SQLE: variants seen among roughly 807,000 people sequenced by gnomAD.
SQLE encodes the protein squalene epoxidase.
SQLE carries 29 observed loss-of-function variants against 60.7 expected under a neutral mutation model. The ratio of observed to expected loss-of-function variants is 0.48; its 90% confidence interval spans 0.36 to 0.65. SQLE has a LOEUF of 0.65. Ranked by LOEUF, SQLE falls within the 30% of genes least tolerant of loss-of-function variation. The pLI, the probability that SQLE is intolerant of heterozygous loss-of-function variation, is 0.00. For synonymous variants in SQLE, 237 were observed against 246.8 expected (o/e 0.96, Z 0.37); for missense variants, 605 against 684.1 (o/e 0.88, Z 1.29).
At chr8:124,999,817 G>A in intron 1 of SQLE, 123 bp downstream of exon 1, 3 of 1,216,566 alleles carry the variant, frequency 2.5e-6, no homozygotes, top group Non-Finnish European at 3.4e-6. Flanking sequence ...ACATTCTCAT[G>A]TATTTTTTAT....
chr8:125,021,936 G>A lies in SQLE; in HGVS notation c.1716G>A (p.Met572Ile). Reference sequence around the variant, plus strand: ...TAATTTACTCAGAAATGAAGTATATGGTTCATTAAGCTTAAAGGGGAACCA... The same window carrying A: ...TAATTTACTCAGAAATGAAGTATATAGTTCATTAAGCTTAAAGGGGAACCA... ...FPLIYSEMKY[M>I]VH is the part of the protein sequence containing the mutation. Residue 572 changes from methionine (M) to isoleucine (I), a missense_variant, in exon 11 of 11, where the codon ATG (methionine) becomes ATA (isoleucine). Coordinates refer to ENST00000265896, the MANE Select transcript of SQLE (RefSeq NM_003129.4). The A allele has an allele frequency of 6.3e-7, 1 of 1,592,682 alleles. No homozygotes were observed. Among genetic ancestry groups the A allele is most frequent in the South Asian group, 1.1e-5 (1 of 87,502 alleles).
At position 124,998,973 on chromosome 8, in the gene SQLE, C is replaced by G. The variant is rs1361505289; in HGVS notation, c.-431C>G. The G allele has an allele frequency of 6.5e-6, 2 of 309,286 alleles. No individual in the cohort carries two copies. Among genetic ancestry groups the G allele is most frequent in the East Asian group, 1.1e-4 (2 of 18,710 alleles). 19.2% of individuals were successfully genotyped at this position (309,286 alleles called of 1,614,324 possible). On this transcript the variant is annotated 5_prime_UTR_variant, in exon 1 of 11. Transcript: ENST00000265896. ...TGCCGAGGTGTTTCTGTGACCCTCC[C>G]TCCACTCCCATTCCCTTCTGAAAGG...
intron 1 of SQLE, 103 bp from the exon 2 acceptor site, chr8:125,003,073 A>T: frequency 9.3e-7 from 1 of 1,071,554 alleles, no homozygotes. Context: ...TTTAGTATCT[A>T]GCTTTAGCCT....
intron 9 of SQLE, 84 bp downstream of exon 9, chr8:125,018,811 C>A: frequency 1.1e-6 from 1 of 942,310 alleles, no homozygotes; most frequent in South Asian, 1.6e-5. Flanking sequence ...GTGATTTGTC[C>A]AGAAATAAAA....
chr8:125,012,002 G>A (rs192306288), intron 7 of SQLE, among the ~76,000 whole-genome samples: 116 of 151,850 alleles, frequency 7.6e-4, no homozygotes, highest in African/African-American at 2.7e-3. Context: ...TAGGGAGGAC[G>A]TTGTTCAGGA....
rs750868050 is a variant in SQLE, at chr8:124,999,658, T to C, written c.255T>C (p.Pro85=). 44 of 1,607,338 alleles carry C rather than the reference T, an allele frequency of 2.7e-5. No homozygotes were observed. In the East Asian group the frequency reaches 9.6e-4, roughly 35 times the overall value. Residue 85 remains proline (P), a synonymous_variant, in exon 1 of 11, where the codon CCT becomes CCC. Coordinates refer to ENST00000265896, the MANE Select transcript of SQLE (RefSeq NM_003129.4). ...FIGFFWAKSP[P]ESENKEQLEA... ...GCTTCTTCTGGGCCAAATCCCCCCC[T>C]GAATCAGAAAATAAGGAGCAGCTCG...
In SQLE at chr8:124,999,460, C is replaced by T; in HGVS notation, c.57C>T (p.Asp19=). The T allele has an allele frequency of 6.4e-7, 1 of 1,558,784 alleles. No homozygotes were observed. The highest frequency in any genetic ancestry group is 8.7e-7 in the Non-Finnish European group (1 of 1,152,000). The change falls in exon 1 of 11, where the codon GAC becomes GAT. Residue 19 remains aspartate, a synonymous_variant. Coordinates refer to ENST00000265896, the MANE Select transcript of SQLE (RefSeq NM_003129.4). ...CCTATTTTTATAAGAAGTTCGGGGA[C>T]TTCATCACTTTGGCCAACAGGGAGG... ...TFTYFYKKFG[D]FITLANREVL... is the part of the protein sequence containing the mutation.
rs1445171257 is a variant in SQLE at position 124,999,060 on chromosome 8, A to G, written c.-344A>G. On this transcript the variant is annotated 5_prime_UTR_variant, in exon 1 of 11. Coordinates refer to ENST00000265896, the MANE Select transcript of SQLE (RefSeq NM_003129.4). ...AAGAGCCAGTATCAGAAGAGTATCC[A>G]TCACCCGCAGCAACCGCTCAGGGAA... 1.7e-5 allele frequency: 5 copies of G among 286,782 alleles called. No individual in the cohort carries two copies. The highest frequency in any genetic ancestry group is 5.2e-5 in the Admixed American group (1 of 19,270). 17.8% of individuals were successfully genotyped at this position (286,782 alleles called of 1,614,324 possible).
chr8:125,017,922 A>G (rs1223494696), intron 7 of SQLE, 137 bp from the exon 8 acceptor site: 5 of 1,095,154 alleles, frequency 4.6e-6, no homozygotes, highest in Non-Finnish European at 1.3e-6. Context: ...GCAAATTTTA[A>G]TCATGATTTG....
intron 1 of SQLE, among the ~76,000 whole-genome samples, chr8:125,002,554 A>G (rs942133839): frequency 3.3e-5 from 5 of 152,102 alleles, no homozygotes; most frequent in African/African-American, 9.7e-5. Context: ...GCACATGCCT[A>G]TAATCCCAGC....
chr8:125,019,480 G>GACT (rs80335405), intron 9 of SQLE, among the ~76,000 whole-genome samples: 69,713 of 151,508 alleles, frequency 0.46, 17,711 homozygotes, highest in African/African-American at 0.68. Context: ...AGCTATTTGG[G>GACT]ACTATATAGC....
chr8:125,005,610 C>T lies in SQLE; in HGVS notation c.630C>T (p.Tyr210=), dbSNP rs1814934835. ...QESKSEVQIP[Y]PLSENNQVQS... ...GCAAATCAGAGGTTCAGATTCCTTA[C>T]CCTCTGTCAGAAAACAATCAAGTGC... is the stretch of plus-strand genomic sequence containing the variant. The change falls in exon 3 of 11, where the codon TAC becomes TAT. Residue 210 remains tyrosine (Y), a synonymous_variant. Coordinates refer to ENST00000265896, the MANE Select transcript of SQLE (RefSeq NM_003129.4). 6.2e-7 allele frequency: 1 copy of T among 1,612,226 alleles called. No individual in the cohort carries two copies. Among genetic ancestry groups the T allele is most frequent in the East Asian group, 2.2e-5 (1 of 44,824 alleles).
intron 8 of SQLE, 103 bp downstream of exon 8, chr8:125,018,304 G>A: frequency 1.7e-6 from 2 of 1,180,748 alleles, no homozygotes; most frequent in South Asian, 3.0e-5. Context: ...GGAACCTGAT[G>A]CTTTATAATA....
intron 10 of SQLE, among the ~76,000 whole-genome samples, chr8:125,021,135 C>T (rs936199768): frequency 1.3e-5 from 2 of 152,056 alleles, no homozygotes; most frequent in African/African-American, 4.8e-5. Context: ...ATGGATTTAT[C>T]CATATGTTCT....
In SQLE at chr8:125,003,312, C is replaced by G; in HGVS notation, c.428C>G (p.Ser143Cys). 6.2e-7 allele frequency: 1 copy of G among 1,613,904 alleles called. No homozygotes were observed. Among genetic ancestry groups the G allele is most frequent in the Non-Finnish European group, 8.5e-7 (1 of 1,179,886 alleles). The change falls in exon 2 of 11, where the codon TCC becomes TGC. Residue 143 changes from serine (S) to cysteine (C), a missense_variant. Physicochemically the swap from Ser to Cys is moderately radical, Grantham distance 112 (BLOSUM62 -1). Transcript: ENST00000265896. ...VLGSALAAVL[S>C]RDGRKVTVIE... ...GGCTCTGCTTTGGCAGCTGTGCTTT[C>G]CAGAGATGGAAGAAAGGTGACAGTC...
intron 7 of SQLE, among the ~76,000 whole-genome samples, chr8:125,012,967 C>T (rs796278110): frequency 5.9e-5 from 9 of 152,242 alleles, no homozygotes; most frequent in African/African-American, 2.2e-4. Flanking sequence ...TGAACTAGGC[C>T]TTTTATCATT....
chr8:125,020,680 A>G (rs926685429), intron 9 of SQLE, 104 bp from the exon 10 acceptor site: 2 of 696,796 alleles, frequency 2.9e-6, no homozygotes, highest in African/African-American at 3.6e-5. Context: ...TTTAAAAATT[A>G]TCTGCAAGAT....
rs1814781821 is a variant in SQLE at position 124,998,533 on chromosome 8, G to C, written c.-871G>C. 1 of 667,650 alleles carries C rather than the reference G, an allele frequency of 1.5e-6. No individual in the cohort carries two copies. The highest frequency in any genetic ancestry group is 1.9e-5 in the African/African-American group (1 of 53,986). 41.4% of individuals were successfully genotyped at this position (667,650 alleles called of 1,614,324 possible). On this transcript the variant is annotated 5_prime_UTR_variant, in exon 1 of 11. Coordinates refer to ENST00000265896, the MANE Select transcript of SQLE (RefSeq NM_003129.4). ...ACGCGTGGAGCCTGGCGGCGAGTGG[G>C]GGCGTGCGACGGTTACTCTGGTTAC...
At chr8:125,009,397 G>T in intron 6 of SQLE, 54 bp downstream of exon 6, 1 of 1,478,252 alleles carries the variant, frequency 6.8e-7, no homozygotes, top group South Asian at 1.3e-5. Flanking sequence ...ATAGGCCAGA[G>T]ATAAGGATGG....
Sources: allele counts gnomAD v4.1 joint callset (sites outside exome capture counted in the v4.1 genomes callset), GRCh38; gene constraint gnomAD v4.1.1; transcripts MANE v1.5; gene names NCBI Gene and HGNC (gene_info 2026-07-23, HGNC 2026-07-21).